SDK1: variants seen among roughly 807,000 people sequenced by gnomAD.
SDK1 encodes the protein protein sidekick-1.
SDK1 carries 157 observed loss-of-function variants against 245.5 expected under a neutral mutation model. The observed-to-expected ratio is 0.64, with a 90% CI of 0.56 to 0.73. SDK1 has a LOEUF of 0.73. SDK1 is among the 30% of genes least tolerant of loss of function. SDK1 has a pLI of 0.00. For synonymous variants in SDK1, 1,647 were observed against 1,278.5 expected, an observed-to-expected ratio of 1.29 and a Z score of -6.15; for missense variants, 3,583 against 3,002.3, an observed-to-expected ratio of 1.19 and a Z score of -4.52.
At chr7:4,227,930 C>T (rs76089200) in intron 40 of SDK1, among the ~76,000 whole-genome samples, 1,526 of 152,274 alleles carry the variant, frequency 0.01, 21 homozygotes, top group African/African-American at 0.034. Context: ...CTCATTCTGT[C>T]GGCTGGAGAC....
chr7:3,897,461 C>T (rs997319290), intron 5 of SDK1, among the ~76,000 whole-genome samples: 3 of 152,076 alleles, frequency 2.0e-5, no homozygotes, highest in African/African-American at 7.2e-5. Context: ...ACAGTGTCTG[C>T]CCTTTTGTGT....
chr7:3,621,218 A>G lies in SDK1; in HGVS notation c.458+1979A>G, dbSNP rs1014520349. On this transcript the variant is annotated intron_variant, in intron 2 of 44. Transcript: ENST00000404826. Reference sequence around the variant, plus strand: ...AGGGGTGTAAGAAAGCAGAAACAGAAAAAGTGAACTTAGAGTTGAGAACCA... The same window carrying G: ...AGGGGTGTAAGAAAGCAGAAACAGAGAAAGTGAACTTAGAGTTGAGAACCA... Among the ~76,000 whole-genome samples, 3 of 152,296 alleles carry G rather than the reference A, an allele frequency of 2.0e-5. No homozygotes were observed. In the East Asian group the frequency reaches 5.8e-4, roughly 30 times the overall value.
intron 1 of SDK1, among the ~76,000 whole-genome samples, chr7:3,450,083 C>T (rs756910580): frequency 6.6e-6 from 1 of 152,120 alleles, no homozygotes. Context: ...GAGGAGCTTT[C>T]AACTAGGGGT....
chr7:3,978,241 C>CT (rs1485132423), intron 13 of SDK1, among the ~76,000 whole-genome samples: 1 of 152,158 alleles, frequency 6.6e-6, no homozygotes, highest in East Asian at 1.9e-4. Context: ...CATAAAGACT[C>CT]TGTCAGCAGA....
At position 3,950,995 on chromosome 7, in the gene SDK1, G is replaced by C; in HGVS notation, c.920G>C (p.Gly307Ala). The C allele has an allele frequency of 6.2e-7, 1 of 1,614,034 alleles. No individual in the cohort carries two copies. Among genetic ancestry groups the C allele is most frequent in the Non-Finnish European group, 8.5e-7 (1 of 1,179,956 alleles). The change falls in exon 6 of 45, where the codon GGA (glycine) becomes GCA (alanine). Residue 307 changes from glycine (G) to alanine (A), a missense_variant. Physicochemically the swap from Gly to Ala is moderately conservative, Grantham distance 60. Coordinates refer to ENST00000404826, the MANE Select transcript of SDK1 (RefSeq NM_152744.4). ...VPPGNRSVVA[G>A]SSETTLECIA... ...CCGGGCAACAGAAGTGTGGTGGCTG[G>C]ATCCAGTGAGACCACCTTGGAATGT...
Position 3,987,255 on chromosome 7 carries a change from C to G in SDK1, c.2064C>G (p.Leu688=). 6.2e-7 allele frequency: 1 copy of G among 1,614,094 alleles called. No homozygotes were observed. Residue 688 remains leucine (L), a synonymous_variant, in exon 14 of 45, where the codon CTC becomes CTG. Coordinates refer to ENST00000404826, the MANE Select transcript of SDK1 (RefSeq NM_152744.4). ...CTTCCCACAGCCACGCCGTGGTGCT[C>G]TCTTGGGTCCGGCCCTTTGATGGAA... The part of the protein sequence containing the change: ...PNSSHSHAVV[L]SWVRPFDGNS...
intron 38 of SDK1, among the ~76,000 whole-genome samples, chr7:4,215,275 G>T (rs894564546): frequency 6.6e-6 from 1 of 152,242 alleles, no homozygotes; most frequent in South Asian, 2.1e-4. Flanking sequence ...CCCAATTGGT[G>T]GGTGGTGAAG....
chr7:3,509,473 G>C (rs189896086), intron 1 of SDK1, among the ~76,000 whole-genome samples: 35 of 152,254 alleles, frequency 2.3e-4, no homozygotes, highest in African/African-American at 8.2e-4. Flanking sequence ...AGCAATTAAA[G>C]GGTGCCTGGC....
intron 1 of SDK1, among the ~76,000 whole-genome samples, chr7:3,332,450 C>T (rs922403074): frequency 9.2e-5 from 14 of 152,122 alleles, no homozygotes; most frequent in Non-Finnish European, 1.2e-4. Context: ...GATCCAAGAA[C>T]TTAAAAATTG....
intron 4 of SDK1, among the ~76,000 whole-genome samples, chr7:3,726,770 A>G (rs1170168523): frequency 6.6e-6 from 1 of 152,222 alleles, no homozygotes; most frequent in Non-Finnish European, 1.5e-5. Context: ...ACCTTCCTGC[A>G]GAAGGGTGTC....
chr7:3,598,378 C>G (rs1318839967), intron 1 of SDK1, among the ~76,000 whole-genome samples: 1 of 152,040 alleles, frequency 6.6e-6, no homozygotes, highest in Non-Finnish European at 1.5e-5. Context: ...TGTGTTTGTT[C>G]TAAATTAAGC....
At chr7:3,740,587 C>A (rs1321407760) in intron 4 of SDK1, among the ~76,000 whole-genome samples, 1 of 152,142 alleles carries the variant, frequency 6.6e-6, no homozygotes, top group African/African-American at 2.4e-5. Flanking sequence ...TCTGTACTAT[C>A]CCCCTTAGTG....
intron 1 of SDK1, among the ~76,000 whole-genome samples, chr7:3,574,588 G>A (rs1780226050): frequency 6.6e-6 from 1 of 152,042 alleles, no homozygotes; most frequent in African/African-American, 2.4e-5. Flanking sequence ...GTCAGTGCTG[G>A]GTGCAGCGTG....
At chr7:3,392,681 G>A (rs969933531) in intron 1 of SDK1, among the ~76,000 whole-genome samples, 1 of 151,822 alleles carries the variant, frequency 6.6e-6, no homozygotes, top group Non-Finnish European at 1.5e-5. Context: ...GTCTACTCTA[G>A]GTATTTATGT....
At chr7:3,989,492 C>T (rs559038782) in intron 14 of SDK1, among the ~76,000 whole-genome samples, 1 of 152,268 alleles carries the variant, frequency 6.6e-6, no homozygotes, top group Non-Finnish European at 1.5e-5. Context: ...CCCTGAGCCT[C>T]CCCCAGGCAG....
chr7:3,849,400 A>C (rs531266622), intron 5 of SDK1, among the ~76,000 whole-genome samples: 122 of 152,298 alleles, frequency 8.0e-4, no homozygotes, highest in Non-Finnish European at 9.4e-4. Flanking sequence ...CCCAGGACAC[A>C]GAGTTTAGAA....
intron 2 of SDK1, among the ~76,000 whole-genome samples, chr7:3,625,732 A>T (rs1782095625): frequency 2.0e-5 from 3 of 152,202 alleles, no homozygotes; most frequent in Admixed American, 6.5e-5. Context: ...ATTTCTAATT[A>T]GCTCAAGCAT....
chr7:3,334,901 C>T (rs1419996629), intron 1 of SDK1, among the ~76,000 whole-genome samples: 1 of 152,110 alleles, frequency 6.6e-6, no homozygotes, highest in Non-Finnish European at 1.5e-5. Flanking sequence ...ATCTCTCTCA[C>T]TTAGTGTCTC....
intron 1 of SDK1, among the ~76,000 whole-genome samples, chr7:3,430,455 G>C (rs1410113718): frequency 1.3e-5 from 2 of 152,112 alleles, no homozygotes; most frequent in Non-Finnish European, 2.9e-5. Context: ...CAGAAGCTTC[G>C]TCCGCCTCAT....
Sources: gnomAD v4.1 joint callset for allele counts (sites outside exome capture counted in the v4.1 genomes callset) on GRCh38, gnomAD v4.1.1 for gene constraint, MANE v1.5 for transcripts, NCBI Gene and HGNC (gene_info 2026-07-23, HGNC 2026-07-21) for gene names.